Variants in ZNF614 observed in about 807,000 individuals in gnomAD.
The protein encoded by ZNF614 is zinc finger protein 614.
A neutral mutation model predicts 12.8 loss-of-function variants in ZNF614; 11 were observed. The observed-to-expected ratio is 0.86, with a 90% CI of 0.54 to 1.43. The LOEUF (loss-of-function observed/expected upper bound fraction) is 1.43. Ranked by LOEUF, ZNF614 falls within the 40% of genes most tolerant of loss-of-function variation. The pLI is 0.00. For missense variants in ZNF614, 664 were observed against 708.8 expected, an observed-to-expected ratio of 0.94 and a Z score of 0.72; for synonymous variants, 237 against 237.5, an observed-to-expected ratio of 1.00 and a Z score of 0.02.
At position 52,018,330 on chromosome 19, in the gene ZNF614, G is replaced by A. The variant is rs759875557; in HGVS notation, c.142+38C>T. On this transcript the variant is annotated intron_variant, in intron 3 of 4. Coordinates refer to ENST00000270649, the MANE Select transcript of ZNF614 (RefSeq NM_025040.4). ...GAGCATAGGACGGTGTCTGGGCATT[G>A]TAGGCACCTCTAGGTGACACAGGGA... 5.0e-6 allele frequency: 8 copies of A among 1,613,470 alleles called. No homozygotes were observed. In the East Asian group the frequency reaches 1.6e-4, roughly 31 times the overall value.
intron 4 of ZNF614, chr19:52,017,609 G>T: frequency 4.8e-6 from 2 of 412,454 alleles, no homozygotes; most frequent in Non-Finnish European, 8.6e-6. Context: ...GCTGAGGCAG[G>T]AGAATCACTT....
intron 4 of ZNF614, 90 bp from the exon 5 acceptor site, chr19:52,017,449 A>G (rs1301502503): frequency 3.9e-6 from 5 of 1,274,444 alleles, no homozygotes; most frequent in African/African-American, 1.5e-5. Context: ...CATGCCTGCA[A>G]TCCCAGCACT....
At chr19:52,021,815 GA>G (rs1354323081) in intron 2 of ZNF614, among the ~76,000 whole-genome samples, 1 of 151,710 alleles carries the variant, frequency 6.6e-6, no homozygotes, top group African/African-American at 2.4e-5. Flanking sequence ...TTCTGCATGG[GA>G]AAAAATATTT....
In ZNF614 at chr19:52,015,733, T is replaced by G; in HGVS notation, c.*107A>C. ...ACATCTGTCAACAGGCAGCACCATG[T>G]TTATGTTCCAATTGGCTAGAAACAC... On this transcript the variant is annotated 3_prime_UTR_variant, in exon 5 of 5. Coordinates refer to ENST00000270649, the MANE Select transcript of ZNF614 (RefSeq NM_025040.4). 1 of 1,079,662 alleles carries G rather than the reference T, an allele frequency of 9.3e-7. No homozygotes were observed. The highest frequency in any genetic ancestry group is 1.3e-6 in the Non-Finnish European group (1 of 744,072). 66.9% of individuals were successfully genotyped at this position (1,079,662 alleles called of 1,614,324 possible).
In ZNF614 at chr19:52,016,203, G is replaced by A. The variant is rs373361966; in HGVS notation, c.1395C>T (p.Ser465=). 2.5e-6 allele frequency: 4 copies of A among 1,614,140 alleles called. No homozygotes were observed. The highest frequency in any genetic ancestry group is 3.4e-6 in the Non-Finnish European group (4 of 1,180,022). ...CATGTTGTATGAGGCATATTTTCTG[G>A]CTGAAGGCTTTACCACATTCATTGC... ...YECNECGKAF[S]QKICLIQHER... Residue 465 remains serine, a synonymous_variant, in exon 5 of 5, where the codon AGC becomes AGT. Coordinates refer to ENST00000270649, the MANE Select transcript of ZNF614 (RefSeq NM_025040.4).
intron 2 of ZNF614, among the ~76,000 whole-genome samples, chr19:52,018,842 G>T (rs1216203161): frequency 6.6e-6 from 1 of 152,060 alleles, no homozygotes; most frequent in East Asian, 1.9e-4. Context: ...AGCACAAAAG[G>T]CCCCTAAAGT....
intron 2 of ZNF614, 112 bp downstream of exon 2, chr19:52,025,619 T>C: frequency 8.0e-7 from 1 of 1,243,938 alleles, no homozygotes; most frequent in Non-Finnish European, 1.2e-6. Flanking sequence ...CCAAAAGCAA[T>C]GTAAGTTAAT....
intron 2 of ZNF614, among the ~76,000 whole-genome samples, chr19:52,020,490 A>C (rs2086926493): frequency 6.6e-6 from 1 of 152,228 alleles, no homozygotes; most frequent in Admixed American, 6.5e-5. Context: ...CTTCCTGACT[A>C]CATTGTGTAA....
In ZNF614 at chr19:52,021,366, A is replaced by ATT. The variant is rs35777799; in HGVS notation, c.16-2874_16-2873dup. On this transcript the variant is annotated intron_variant, in intron 2 of 4. Transcript: ENST00000270649. ...ATTCCTGAGCCACAGAAAGTGTGAG[A>ATT]TTTTTTTTTTTAAGTGTTGTTTCAA... is the stretch of plus-strand genomic sequence containing the variant. Among the ~76,000 whole-genome samples the ATT allele has an allele frequency of 1.2e-3, 171 of 147,058 alleles. 2 individuals are homozygous for ATT. In the East Asian group the frequency reaches 0.025, roughly 22 times the overall value.
intron 2 of ZNF614, 149 bp from the exon 3 acceptor site, chr19:52,018,643 T>G: frequency 1.3e-6 from 1 of 759,100 alleles, no homozygotes. Context: ...CCTCTATCTA[T>G]ACATTTTAGC....
chr19:52,027,032 T>C (rs1462877978), intron 1 of ZNF614, among the ~76,000 whole-genome samples: 2 of 152,224 alleles, frequency 1.3e-5, no homozygotes, highest in Non-Finnish European at 2.9e-5. Flanking sequence ...AGTGCCAGCG[T>C]GGGTCCTCCG....
At chr19:52,019,203 A>C (rs558098126) in intron 2 of ZNF614, among the ~76,000 whole-genome samples, 55 of 152,338 alleles carry the variant, frequency 3.6e-4, no homozygotes, top group Non-Finnish European at 7.4e-4. Flanking sequence ...ATTAATGGAC[A>C]GATTAACAGC....
Position 52,016,183 on chromosome 19 carries a change from T to C in ZNF614, c.1415A>G (p.Gln472Arg), listed in dbSNP as rs1213393601. The C allele has an allele frequency of 6.2e-7, 1 of 1,614,092 alleles. No homozygotes were observed. The highest frequency in any genetic ancestry group is 1.7e-5 in the Admixed American group (1 of 60,024). ...CTTTCCTGTATGACATCTCTCATGT[T>C]GTATGAGGCATATTTTCTGGCTGAA... ...KAFSQKICLI[Q>R]HERCHTGKTP... is the part of the protein sequence containing the mutation. Residue 472 changes from glutamine to arginine, a missense_variant, in exon 5 of 5, where the codon CAA becomes CGA. Gln to Arg is a conservative substitution (Grantham distance 43). Coordinates refer to ENST00000270649, the MANE Select transcript of ZNF614 (RefSeq NM_025040.4).
At position 52,016,396 on chromosome 19, in the gene ZNF614, C is replaced by CA; in HGVS notation, c.1201dup (p.Cys401LeufsTer31). ...AGTGAAGCCTTTTCCACATTCGCTGCATATGTAAGATTTTTCTCCTGTGTG... is the reference window on the plus strand; with the variant it reads ...AGTGAAGCCTTTTCCACATTCGCTGCAATATGTAAGATTTTTCTCCTGTGTG... On this transcript the variant is annotated frameshift_variant, in exon 5 of 5. Coordinates refer to ENST00000270649, the MANE Select transcript of ZNF614 (RefSeq NM_025040.4). LOFTEE classifies it low-confidence loss of function (END_TRUNC). 6.2e-7 allele frequency: 1 copy of CA among 1,614,128 alleles called. No homozygotes were observed. The highest frequency in any genetic ancestry group is 8.5e-7 in the Non-Finnish European group (1 of 1,180,004).
rs1207867990 is a variant in ZNF614 at position 52,017,832 on chromosome 19, C to T, written c.238+176G>A. On this transcript the variant is annotated intron_variant, in intron 4 of 4. Coordinates refer to ENST00000270649, the MANE Select transcript of ZNF614 (RefSeq NM_025040.4). ...TGAAATATATCCAAGAAATCAGATCCAAGAAAAGACAAAAAGTCTTTAAAG... is the reference window on the plus strand; with the variant it reads ...TGAAATATATCCAAGAAATCAGATCTAAGAAAAGACAAAAAGTCTTTAAAG... The T allele has an allele frequency of 1.4e-5, 7 of 506,314 alleles. 1 individual carries two copies. In the South Asian group the frequency reaches 2.6e-4, roughly 18 times the overall value. The allele number at this position is 506,314 out of a possible 1,614,324, so 31.4% of individuals were successfully genotyped here.
intron 2 of ZNF614, among the ~76,000 whole-genome samples, chr19:52,022,588 T>C (rs1257194079): frequency 1.4e-5 from 2 of 145,664 alleles, no homozygotes; most frequent in East Asian, 4.1e-4. Context: ...TTGGAGAATA[T>C]ATAATTTAAA....
intron 2 of ZNF614, among the ~76,000 whole-genome samples, chr19:52,019,525 C>T (rs1217435371): frequency 6.6e-6 from 1 of 152,096 alleles, no homozygotes; most frequent in Non-Finnish European, 1.5e-5. Context: ...ACTGAAACTA[C>T]CATACATCAA....
intron 4 of ZNF614, 178 bp downstream of exon 4, chr19:52,017,830 T>C: frequency 2.0e-6 from 1 of 508,106 alleles, no homozygotes; most frequent in Non-Finnish European, 3.5e-6. Flanking sequence ...AGAAATCAGA[T>C]CCAAGAAAAG....
At position 52,018,638 on chromosome 19, in the gene ZNF614, A is replaced by C. The variant is rs575440628; in HGVS notation, c.16-144T>G. 9 of 798,370 alleles carry C rather than the reference A, an allele frequency of 1.1e-5. No individual in the cohort carries two copies. In the South Asian group the frequency reaches 1.9e-4, roughly 17 times the overall value. 49.5% of individuals were successfully genotyped at this position (798,370 alleles called of 1,614,324 possible). On this transcript the variant is annotated intron_variant, in intron 2 of 4. Coordinates refer to ENST00000270649, the MANE Select transcript of ZNF614 (RefSeq NM_025040.4). ...TACTTTGGTAGGAGCAAAATCCTCT[A>C]TCTATACATTTTAGCGCCTATTTCT... is the stretch of plus-strand genomic sequence containing the variant.
Sources: gnomAD v4.1 joint callset for allele counts (sites outside exome capture counted in the v4.1 genomes callset) on GRCh38, gnomAD v4.1.1 for gene constraint, MANE v1.5 for transcripts, NCBI Gene and HGNC (gene_info 2026-07-23, HGNC 2026-07-21) for gene names.